Variants in LIPA observed in about 807,000 individuals in gnomAD.
The protein encoded by LIPA is lipase A, lysosomal acid type, also known as lysosomal acid lipase/cholesteryl ester hydrolase.
LIPA carries 26 observed loss-of-function variants against 40.6 expected under a neutral mutation model. That is an observed-to-expected ratio of 0.64 (90% CI 0.47 to 0.89). LIPA has a LOEUF of 0.89. Among genes scored for constraint, LIPA ranks in the 40% least tolerant of loss-of-function variants. The pLI, the probability that LIPA is intolerant of heterozygous loss-of-function variation, is 0.00. For missense variants in LIPA, 455 were observed against 479.6 expected (o/e 0.95, Z 0.48); for synonymous variants, 188 against 168.4 (o/e 1.12, Z -0.90).
At chr10:89,269,344 G>A in intron 1 of LIPA, among the ~76,000 whole-genome samples, 1 of 151,970 alleles carries the variant, frequency 6.6e-6, no homozygotes, top group African/African-American at 2.4e-5. Context: ...ACTTTAAGAA[G>A]TTTAGTTTAT....
At chr10:89,370,602 T>C (rs909676480) in intron 2 of LIPA, among the ~76,000 whole-genome samples, 2 of 152,142 alleles carry the variant, frequency 1.3e-5, no homozygotes, top group African/African-American at 4.8e-5. Flanking sequence ...TAAGCACTAT[T>C]GCCATTTGGG....
At chr10:89,328,095 TGC>T in intron 1 of LIPA, 1 of 1,613,264 alleles carries the variant, frequency 6.2e-7, no homozygotes, top group Non-Finnish European at 8.5e-7. Flanking sequence ...GAAATAAGAA[TGC>T]ATAATCATGC....
At chr10:89,222,468 G>A in intron 8 of LIPA, 43 bp downstream of exon 8, 1 of 1,243,170 alleles carries the variant, frequency 8.0e-7, no homozygotes, top group Non-Finnish European at 1.2e-6. Flanking sequence ...CCTTTCTGAT[G>A]TTGATTTTAC....
chr10:89,402,702 T>C lies in LIPA; in HGVS notation c.61+10089A>G, dbSNP rs772381325. On this transcript the variant is annotated intron_variant, in intron 2 of 8. Coordinates refer to the LIPA transcript ENST00000371837. ...TAGAATGGAGTGTCCAGAAATAGAC[T>C]GTGAGGAAGGATGGGCCTTGCTGAA... 4.5e-5 allele frequency: 73 copies of C among 1,614,196 alleles called. No individual in the cohort carries two copies. In the South Asian group the frequency reaches 7.2e-4, roughly 16 times the overall value.
upstream of LIPA, among the ~76,000 whole-genome samples, chr10:89,343,578 C>T (rs1589616274): frequency 6.6e-6 from 1 of 152,132 alleles, no homozygotes; most frequent in Non-Finnish European, 1.5e-5. Flanking sequence ...TCTTCGGAGG[C>T]CCTTCCAATG....
At chr10:89,247,294 C>T (rs1312776242) in intron 2 of LIPA, among the ~76,000 whole-genome samples, 1 of 148,188 alleles carries the variant, frequency 6.7e-6, no homozygotes, top group Non-Finnish European at 1.5e-5. Context: ...ATCACTTGAG[C>T]CCCTGAGGCG....
At chr10:89,388,217 T>C (rs1039338903) in intron 2 of LIPA, among the ~76,000 whole-genome samples, 6 of 152,160 alleles carry the variant, frequency 3.9e-5, no homozygotes, top group African/African-American at 1.4e-4. Context: ...GTGATTCTCC[T>C]GCCTCCGCCT....
At chr10:89,222,336 C>T (rs1842710210) in intron 8 of LIPA, among the ~76,000 whole-genome samples, 175 bp downstream of exon 8, 1 of 152,176 alleles carries the variant, frequency 6.6e-6, no homozygotes, top group Non-Finnish European at 1.5e-5. Context: ...ACAGTGTGCC[C>T]CACCACAGGT....
intron 2 of LIPA, among the ~76,000 whole-genome samples, chr10:89,393,720 A>T (rs11203105): frequency 0.25 from 38,102 of 152,068 alleles, 4,974 homozygotes; most frequent in Middle Eastern, 0.28. Flanking sequence ...ACAGAGCGAG[A>T]CTCCGTCTCA....
At chr10:89,339,880 CTGCTTCCACAAAA>C in intron 1 of LIPA, 1 of 1,614,168 alleles carries the variant, frequency 6.2e-7, no homozygotes, top group Non-Finnish European at 8.5e-7. Context: ...ATCTGAAAAT[CTGCTTCCACAAAA>C]TGCACCAAAT....
intron 1 of LIPA, among the ~76,000 whole-genome samples, chr10:89,273,181 C>G (rs1843274180): frequency 6.7e-6 from 1 of 149,732 alleles, no homozygotes; most frequent in African/African-American, 2.5e-5. Context: ...GAATTCCTTT[C>G]TATTTTTCTC....
chr10:89,216,127 C>A, intron 8 of LIPA, 118 bp from the exon 9 acceptor site: 1 of 739,162 alleles, frequency 1.4e-6, no homozygotes. Context: ...TCCAGATTTA[C>A]TCTTCATTTC....
intron 3 of LIPA, among the ~76,000 whole-genome samples, chr10:89,241,804 GTA>G (rs1028906522): frequency 6.6e-6 from 1 of 151,914 alleles, no homozygotes. Context: ...CTTGGTGTGT[GTA>G]TATATATATA....
chr10:89,402,182 C>A, intron 2 of LIPA: 1 of 731,106 alleles, frequency 1.4e-6, no homozygotes, highest in Non-Finnish European at 2.3e-6. Flanking sequence ...GTAAGTTGAT[C>A]CTTTCAAGGA....
intron 1 of LIPA, among the ~76,000 whole-genome samples, chr10:89,413,125 A>C (rs1048263788): frequency 1.3e-5 from 2 of 152,200 alleles, no homozygotes; most frequent in African/African-American, 4.8e-5. Flanking sequence ...CTGTTCCTGC[A>C]TTAGTTTGCT....
intron 1 of LIPA, among the ~76,000 whole-genome samples, chr10:89,271,026 C>T: frequency 6.6e-6 from 1 of 152,170 alleles, no homozygotes; most frequent in East Asian, 1.9e-4. Context: ...AGTATTCCAT[C>T]ACATGGAAGT....
chr10:89,402,839 G>C (rs747368299), intron 2 of LIPA: 2 of 1,614,142 alleles, frequency 1.2e-6, no homozygotes, highest in East Asian at 4.5e-5. Flanking sequence ...CCTATCGCCT[G>C]GATGGCTTTA....
Position 89,386,498 on chromosome 10 carries a change from G to A in LIPA, c.61+26293C>T, listed in dbSNP as rs184764056. On this transcript the variant is annotated intron_variant, in intron 2 of 8. Transcript: ENST00000371837. Reference sequence around the variant, plus strand: ...ACAAGGTGTGATTCAGGCTCACCTGGCCTCTGAATTCCTTACTTGTAACTG... The same window carrying A: ...ACAAGGTGTGATTCAGGCTCACCTGACCTCTGAATTCCTTACTTGTAACTG... Among the ~76,000 whole-genome samples the A allele has an allele frequency of 8.5e-5, 13 of 152,314 alleles. No individual in the cohort carries two copies. The East Asian group carries it at 2.5e-3, about 29-fold the overall frequency.
intron 1 of LIPA, among the ~76,000 whole-genome samples, chr10:89,311,937 G>A (rs1049206902): frequency 2.6e-5 from 4 of 152,164 alleles, no homozygotes; most frequent in African/African-American, 2.4e-5. Context: ...TCTGTATGAC[G>A]GAAATCCTCT....
Sources: gnomAD v4.1 joint callset for allele counts (sites outside exome capture counted in the v4.1 genomes callset) on GRCh38, gnomAD v4.1.1 for gene constraint, MANE v1.5 for transcripts, NCBI Gene and HGNC (gene_info 2026-07-23, HGNC 2026-07-21) for gene names.